Variants in MIS18BP1 observed in about 807,000 individuals in gnomAD.
MIS18BP1 encodes the protein MIS18 binding protein 1, also known as mis18-binding protein 1.
In MIS18BP1, 72 loss-of-function variants were observed where a neutral mutation model predicts 116.1. The ratio of observed to expected loss-of-function variants is 0.62; its 90% CI spans 0.51 to 0.75. The LOEUF is 0.75. MIS18BP1 is among the 30% of genes least tolerant of loss of function. MIS18BP1 has a pLI of 0.00. For synonymous variants in MIS18BP1, 386 were observed against 427.0 expected, an observed-to-expected ratio of 0.90 and a Z score of 1.18; for missense variants, 1,363 against 1,303.2, an observed-to-expected ratio of 1.05 and a Z score of -0.71.
chr14:45,227,734 T>A lies in MIS18BP1; in HGVS notation c.1675A>T (p.Thr559Ser), dbSNP rs78638207. Reference protein sequence around the residue: ...MCHSNCQNKPTLRFPDDQVNN... With the variant: ...MCHSNCQNKPSLRFPDDQVNN... ...ACTTGGTCATCTGGGAACCTTAATG[T>A]TGGTTTATTTTGGCAATTACTGTGG... The change falls in exon 9 of 17, where the codon ACA (threonine) becomes TCA (serine). Residue 559 changes from threonine to serine, a missense_variant. Coordinates refer to ENST00000310806, the MANE Select transcript of MIS18BP1 (RefSeq NM_018353.5). 2.9e-5 allele frequency: 46 copies of A among 1,613,632 alleles called. No homozygotes were observed. The highest frequency in any genetic ancestry group is 3.5e-5 in the Non-Finnish European group (41 of 1,179,662).
Position 45,231,239 on chromosome 14 carries a change from C to G in MIS18BP1, c.1496G>C (p.Arg499Pro). The change falls in exon 8 of 17, where the codon CGT (arginine) becomes CCT (proline). Residue 499 changes from arginine to proline, a missense_variant. Arg to Pro is a moderately radical substitution (Grantham distance 103, BLOSUM62 -2). Transcript: ENST00000310806. ...ATTTTTCATTGATTTCCTTATGTCA[C>G]GGACAGATCTTCCAGTTTTCTGTTT... is the stretch of plus-strand genomic sequence containing the variant. ...KQKQKTGRSVRDIRKSMKNDA... is the reference protein window; with the variant it reads ...KQKQKTGRSVPDIRKSMKNDA... 1 of 1,613,448 alleles carries G rather than the reference C, an allele frequency of 6.2e-7. No homozygotes were observed. Among genetic ancestry groups the G allele is most frequent in the Non-Finnish European group, 8.5e-7 (1 of 1,179,574 alleles).
rs1890839994 is a variant in MIS18BP1, at chr14:45,217,099, T to A, written c.2923A>T (p.Arg975Trp). 6.2e-7 allele frequency: 1 copy of A among 1,614,120 alleles called. No homozygotes were observed. ...VGTLKRKQQM[R>W]EFLEQLPKDD... ...TTTGGCAACTGTTCCAGAAATTCCC[T>A]CATCTGTTGCTTCCTTTTAAGAGTT... Residue 975 changes from arginine to tryptophan, a missense_variant, in exon 13 of 17, where the codon AGG (arginine) becomes TGG (tryptophan). Transcript: ENST00000310806.
At position 45,204,549 on chromosome 14, in the gene MIS18BP1, T is replaced by C. The variant is rs2139131627; in HGVS notation, c.3241-96A>G. On this transcript the variant is annotated intron_variant, in intron 15 of 16. Transcript: ENST00000310806. ...TAAGCATGCTTATCCCCAGATTACT[T>C]TGAACATATGCCTATAACAACATTT... 3 of 792,706 alleles carry C rather than the reference T, an allele frequency of 3.8e-6. No individual in the cohort carries two copies. In the East Asian group the frequency reaches 8.1e-5, roughly 21 times the overall value. The allele number at this position is 792,706 out of a possible 1,614,324, so 49.1% of individuals were successfully genotyped here. A position where few individuals can be genotyped will look rare whatever the true frequency, so the allele number is the denominator to read the frequency against.
intron 5 of MIS18BP1, 147 bp from the exon 6 acceptor site, chr14:45,236,091 C>G: frequency 1.3e-6 from 1 of 741,126 alleles, no homozygotes; most frequent in Non-Finnish European, 2.1e-6. Flanking sequence ...TACAGCAGAA[C>G]TCAACTGCTT....
intron 4 of MIS18BP1, 130 bp downstream of exon 4, chr14:45,241,904 A>T (rs1171162998): frequency 2.1e-6 from 2 of 963,648 alleles, no homozygotes; most frequent in African/African-American, 3.3e-5. Flanking sequence ...TAATGAAGAC[A>T]CTGTTAATAA....
chr14:45,230,789 T>A (rs1269465300), intron 8 of MIS18BP1, among the ~76,000 whole-genome samples: 7 of 152,058 alleles, frequency 4.6e-5, no homozygotes, highest in Admixed American at 2.6e-4. Flanking sequence ...GTGGCTAATT[T>A]TTTTGACTTT....
At chr14:45,242,933 A>C in intron 2 of MIS18BP1, 59 bp from the exon 3 acceptor site, 1 of 1,137,336 alleles carries the variant, frequency 8.8e-7, no homozygotes. Context: ...CTAAGAAAAA[A>C]ACAGCTTTTA....
At chr14:45,212,390 G>A (rs953526290) in intron 13 of MIS18BP1, among the ~76,000 whole-genome samples, 6 of 152,128 alleles carry the variant, frequency 3.9e-5, no homozygotes, top group African/African-American at 1.4e-4. Flanking sequence ...CTGGTGACTT[G>A]CAGAAGTGGG....
In MIS18BP1 at chr14:45,242,080, G is replaced by C. The variant is rs746748003; in HGVS notation, c.1097C>G (p.Pro366Arg). 1 of 1,613,324 alleles carries C rather than the reference G, an allele frequency of 6.2e-7. No homozygotes were observed. Reference sequence around the variant, plus strand: ...TGTAACAGTTTGAAATATTCTTGGAGGAGAAAGCTTTGAAATATTTCTTTT... The same window carrying C: ...TGTAACAGTTTGAAATATTCTTGGACGAGAAAGCTTTGAAATATTTCTTTT... ...RSKRNISKLSPPRIFQTVTNG... is the reference protein window; with the variant it reads ...RSKRNISKLSRPRIFQTVTNG... Residue 366 changes from proline to arginine, a missense_variant, in exon 4 of 17, where the codon CCT (proline) becomes CGT (arginine). Pro to Arg is a moderately radical substitution (Grantham distance 103). Transcript: ENST00000310806.
At chr14:45,205,962 G>A in intron 15 of MIS18BP1, 121 bp downstream of exon 15, 1 of 598,108 alleles carries the variant, frequency 1.7e-6, no homozygotes. Flanking sequence ...CTTCATTATT[G>A]TAACTTGTTA....
chr14:45,213,179 CAGGCA>C (rs2139153229), intron 13 of MIS18BP1, among the ~76,000 whole-genome samples: 1 of 152,328 alleles, frequency 6.6e-6, no homozygotes, highest in East Asian at 1.9e-4. Flanking sequence ...GCTGGGACTA[CAGGCA>C]TAAGCCAGCA....
intron 15 of MIS18BP1, among the ~76,000 whole-genome samples, chr14:45,205,466 T>C (rs17115900): frequency 0.026 from 3,941 of 152,200 alleles, 174 homozygotes; most frequent in African/African-American, 0.09. Context: ...TAATCAGTTA[T>C]TGCAATTAAA....
intron 7 of MIS18BP1, 138 bp downstream of exon 7, chr14:45,232,595 G>C: frequency 1.6e-6 from 1 of 621,652 alleles, no homozygotes. Flanking sequence ...AGGAGTTCGA[G>C]ACCAGTCTGG....
chr14:45,233,035 A>G (rs1355111046), intron 6 of MIS18BP1, among the ~76,000 whole-genome samples: 1 of 152,218 alleles, frequency 6.6e-6, no homozygotes, highest in Non-Finnish European at 1.5e-5. Context: ...TAGCTAACCA[A>G]TAAGTACAAT....
intron 4 of MIS18BP1, among the ~76,000 whole-genome samples, chr14:45,239,949 T>C (rs1891530976): frequency 6.6e-6 from 1 of 152,142 alleles, no homozygotes; most frequent in African/African-American, 2.4e-5. Flanking sequence ...AATGTACTAA[T>C]ACAGGACAAT....
intron 2 of MIS18BP1, 57 bp from the exon 3 acceptor site, chr14:45,242,931 A>G: frequency 8.6e-7 from 1 of 1,161,204 alleles, no homozygotes; most frequent in Non-Finnish European, 1.2e-6. Flanking sequence ...CACTAAGAAA[A>G]AAACAGCTTT....
rs762604141 is a variant in MIS18BP1 at position 45,246,789 on chromosome 14, T to C, written c.498A>G (p.Glu166=). ...KKLQHTYLCE[E]KENNKSFQSD... is the part of the protein sequence containing the mutation. ...ACTGGAATGATTTGTTGTTTTCCTT[T>C]TCTTCACATAGGTAGGTATGCTGCA... is the stretch of plus-strand genomic sequence containing the variant. Residue 166 remains glutamate, a synonymous_variant, in exon 2 of 17, where the codon GAA becomes GAG. Transcript: ENST00000310806. The C allele has an allele frequency of 2.5e-6, 4 of 1,580,270 alleles. No homozygotes were observed. In the South Asian group the frequency reaches 3.6e-5, roughly 14 times the overall value.
At chr14:45,207,715 G>C (rs948584223) in intron 14 of MIS18BP1, among the ~76,000 whole-genome samples, 2 of 152,194 alleles carry the variant, frequency 1.3e-5, no homozygotes, top group African/African-American at 4.8e-5. Flanking sequence ...TATTATCAAA[G>C]AGATGTCTTT....
In MIS18BP1 at chr14:45,242,232, T is replaced by C. The variant is rs918537482; in HGVS notation, c.945A>G (p.Gln315=). The change falls in exon 4 of 17, where the codon CAA becomes CAG. Residue 315 remains glutamine, a synonymous_variant. Coordinates refer to ENST00000310806, the MANE Select transcript of MIS18BP1 (RefSeq NM_018353.5). The stretch of plus-strand genomic sequence containing the variant: ...TTCCATTTCCTTCCTTAACTTTCTG[T>C]TGCGAAGTCCCTTCTGTTGTCCTCT... ...DSERTTEGTS[Q]QKVKEGNGKT... 2 of 1,614,020 alleles carry C rather than the reference T, an allele frequency of 1.2e-6. No individual in the cohort carries two copies. Among genetic ancestry groups the C allele is most frequent in the Admixed American group, 1.7e-5 (1 of 60,000 alleles).
Sources: gnomAD v4.1 joint callset for allele counts (sites outside exome capture counted in the v4.1 genomes callset) on GRCh38, gnomAD v4.1.1 for gene constraint, MANE v1.5 for transcripts, NCBI Gene and HGNC (gene_info 2026-07-23, HGNC 2026-07-21) for gene names.